CORIN: variants seen among roughly 807,000 people sequenced by gnomAD.
CORIN encodes the protein atrial natriuretic peptide-converting enzyme.
CORIN carries 117 observed loss-of-function variants against 125.3 expected under a neutral mutation model. The observed-to-expected ratio is 0.93, with a 90% CI of 0.80 to 1.09. The LOEUF (loss-of-function observed/expected upper bound fraction) is 1.09, where lower values mean the gene tolerates loss of function less well. CORIN is among the 50% of genes least tolerant of loss of function. The pLI is 0.00. For missense variants in CORIN, 1,253 were observed against 1,306.7 expected, an observed-to-expected ratio of 0.96 and a Z score of 0.63; for synonymous variants, 450 against 466.4, an observed-to-expected ratio of 0.96 and a Z score of 0.45.
At chr4:47,748,635 G>C (rs1215340827) in intron 4 of CORIN, among the ~76,000 whole-genome samples, 4 of 152,040 alleles carry the variant, frequency 2.6e-5, no homozygotes, top group Admixed American at 2.6e-4. Flanking sequence ...AAAAATGTTA[G>C]AGAATTTATC....
chr4:47,722,434 C>T (rs1055323781), intron 5 of CORIN, among the ~76,000 whole-genome samples: 3 of 152,122 alleles, frequency 2.0e-5, no homozygotes, highest in African/African-American at 7.2e-5. Context: ...AAGAAAGGCA[C>T]TTTTTAAACA....
At chr4:47,829,570 G>C in intron 1 of CORIN, among the ~76,000 whole-genome samples, 1 of 152,208 alleles carries the variant, frequency 6.6e-6, no homozygotes, top group Non-Finnish European at 1.5e-5. Flanking sequence ...AGAAGTGCAG[G>C]TGGCCCAGAA....
At chr4:47,623,796 A>G (rs1233218075) in intron 18 of CORIN, 51 bp from the exon 19 acceptor site, 1 of 1,541,470 alleles carries the variant, frequency 6.5e-7, no homozygotes, top group African/African-American at 1.8e-5. Context: ...AACCTTGCTA[A>G]ATGCTTAGCT....
intron 2 of CORIN, among the ~76,000 whole-genome samples, chr4:47,804,895 G>C (rs186814273): frequency 6.6e-6 from 1 of 151,846 alleles, no homozygotes; most frequent in East Asian, 1.9e-4. Flanking sequence ...TAAGATTTTT[G>C]GGAGGCCGAG....
intron 16 of CORIN, among the ~76,000 whole-genome samples, chr4:47,633,056 A>T (rs992350713): frequency 6.6e-6 from 1 of 152,178 alleles, no homozygotes; most frequent in Admixed American, 6.5e-5. Context: ...TGCTAGGATT[A>T]TAGGCGTGAG....
intron 4 of CORIN, among the ~76,000 whole-genome samples, chr4:47,759,544 G>C (rs185416220): frequency 2.6e-5 from 4 of 151,900 alleles, no homozygotes; most frequent in Admixed American, 2.6e-4. Flanking sequence ...ATGACAAAAT[G>C]ATCAAAAAAA....
intron 3 of CORIN, among the ~76,000 whole-genome samples, chr4:47,766,493 T>G (rs1729747443): frequency 6.6e-6 from 1 of 152,054 alleles, no homozygotes; most frequent in African/African-American, 2.4e-5. Flanking sequence ...CATGGCCACA[T>G]CTAGTTGCAT....
intron 19 of CORIN, among the ~76,000 whole-genome samples, chr4:47,613,114 A>G (rs1721932793): frequency 6.6e-6 from 1 of 152,250 alleles, no homozygotes; most frequent in African/African-American, 2.4e-5. Flanking sequence ...TAGTTGCAGT[A>G]TGCAAGAAAA....
chr4:47,834,645 G>A (rs1321315639), intron 1 of CORIN, among the ~76,000 whole-genome samples: 2 of 152,188 alleles, frequency 1.3e-5, no homozygotes, highest in African/African-American at 4.8e-5. Context: ...AAAGATGGCA[G>A]AAGGGAACTT....
chr4:47,808,823 T>G (rs936900608), intron 1 of CORIN, among the ~76,000 whole-genome samples: 3 of 152,226 alleles, frequency 2.0e-5, no homozygotes, highest in African/African-American at 4.8e-5. Context: ...GATACTTGTT[T>G]ATTTTACTTA....
intron 1 of CORIN, among the ~76,000 whole-genome samples, chr4:47,815,726 T>C (rs568959634): frequency 1.1e-4 from 16 of 152,266 alleles, no homozygotes; most frequent in Admixed American, 9.2e-4. Context: ...CTATATTTTT[T>C]AAAACAATAG....
chr4:47,634,816 G>A (rs77397589), intron 16 of CORIN, among the ~76,000 whole-genome samples: 1 of 152,110 alleles, frequency 6.6e-6, no homozygotes, highest in East Asian at 1.9e-4. Flanking sequence ...TACAAAGAAG[G>A]TTGCTCCCAT....
chr4:47,789,536 G>A (rs1276693249), intron 2 of CORIN, among the ~76,000 whole-genome samples: 1 of 152,114 alleles, frequency 6.6e-6, no homozygotes, highest in Non-Finnish European at 1.5e-5. Flanking sequence ...GTATATTTTG[G>A]GGGAAGAGAA....
chr4:47,722,852 C>G (rs1485701337), intron 5 of CORIN, among the ~76,000 whole-genome samples: 1 of 152,112 alleles, frequency 6.6e-6, no homozygotes, highest in East Asian at 1.9e-4. Context: ...GGTATCCAAA[C>G]AGTAAAGACC....
chr4:47,624,748 T>A (rs1722480137), intron 17 of CORIN, among the ~76,000 whole-genome samples: 3 of 152,078 alleles, frequency 2.0e-5, no homozygotes. Flanking sequence ...GAAATTTTAA[T>A]CACTAAGTTC....
intron 3 of CORIN, among the ~76,000 whole-genome samples, chr4:47,780,993 A>C (rs1730519647): frequency 6.6e-6 from 1 of 151,958 alleles, no homozygotes; most frequent in African/African-American, 2.4e-5. Context: ...ACACAAAAGA[A>C]GGCAGTAATC....
chr4:47,788,468 T>C (rs144923658), intron 2 of CORIN, among the ~76,000 whole-genome samples: 1 of 152,232 alleles, frequency 6.6e-6, no homozygotes, highest in East Asian at 1.9e-4. Flanking sequence ...CTCCAAACCA[T>C]CTGTGTGATC....
At chr4:47,695,442 T>C (rs1725948395) in intron 5 of CORIN, among the ~76,000 whole-genome samples, 3 of 152,096 alleles carry the variant, frequency 2.0e-5, no homozygotes. Flanking sequence ...AGATTTTATC[T>C]TTAAGACCCT....
intron 5 of CORIN, among the ~76,000 whole-genome samples, chr4:47,722,141 G>A (rs1038336545): frequency 2.6e-5 from 4 of 152,106 alleles, no homozygotes; most frequent in Non-Finnish European, 2.9e-5. Context: ...TTCATCCAAT[G>A]TTTGCCTGTT....
Sources: allele counts gnomAD v4.1 joint callset (sites outside exome capture counted in the v4.1 genomes callset), GRCh38; gene constraint gnomAD v4.1.1; transcripts MANE v1.5; gene names NCBI Gene and HGNC (gene_info 2026-07-23, HGNC 2026-07-21).